DENND2A: variants seen among roughly 807,000 people sequenced by gnomAD.
DENND2A encodes DENN domain containing 2A.
In DENND2A, 53 loss-of-function variants were observed where a neutral mutation model predicts 105.3. That is an observed-to-expected ratio of 0.50 (90% confidence interval 0.40 to 0.63). DENND2A has a LOEUF of 0.63. Ranked by LOEUF, DENND2A falls within the 30% of genes least tolerant of loss-of-function variation. DENND2A has a pLI of 0.00. For missense variants in DENND2A, 1,138 were observed against 1,279.6 expected, an observed-to-expected ratio of 0.89 and a Z score of 1.69; for synonymous variants, 522 against 508.4, an observed-to-expected ratio of 1.03 and a Z score of -0.36.
Position 140,544,774 on chromosome 7 carries a change from G to T in DENND2A, c.2179-8C>A. On this transcript the variant is annotated splice_region_variant and splice_polypyrimidine_tract_variant and intron_variant, in intron 13 of 19. Coordinates refer to ENST00000496613, the MANE Select transcript of DENND2A (RefSeq NM_015689.5). ...GCGGCACAGTTCGATCACCTGCCAGGGAACAGGAGCAGCCATGAAGGAGGG... is the reference window on the plus strand; with the variant it reads ...GCGGCACAGTTCGATCACCTGCCAGTGAACAGGAGCAGCCATGAAGGAGGG... 6.4e-7 allele frequency: 1 copy of T among 1,565,840 alleles called. No homozygotes were observed. Among genetic ancestry groups the T allele is most frequent in the African/African-American group, 1.3e-5 (1 of 74,166 alleles).
chr7:140,562,030 C>T (rs1016278774), intron 9 of DENND2A, among the ~76,000 whole-genome samples: 1 of 151,912 alleles, frequency 6.6e-6, no homozygotes, highest in African/African-American at 2.4e-5. Flanking sequence ...GCTGGTATTA[C>T]AGGTGCCTGC....
At chr7:140,569,024 C>T (rs1012372842) in intron 7 of DENND2A, among the ~76,000 whole-genome samples, 6 of 151,940 alleles carry the variant, frequency 3.9e-5, no homozygotes, top group Non-Finnish European at 5.9e-5. Flanking sequence ...TTCCAGGTTC[C>T]AGTGATTCTC....
Position 140,585,704 on chromosome 7 carries a change from G to T in DENND2A, c.1130C>A (p.Pro377Gln). The change falls in exon 5 of 20, where the codon CCA (proline) becomes CAA (glutamine). Residue 377 changes from proline to glutamine, a missense_variant. This residue lies in a region of DENND2A where 511 missense variants were observed against 499.9 expected (regional missense o/e 1.02). Coordinates refer to ENST00000496613, the MANE Select transcript of DENND2A (RefSeq NM_015689.5). ...ENVYEDILDP[P>Q]MKENPYEDIE... ...GTCCTCATAAGGGTTCTCCTTCATT[G>T]GCGGATCTGTGTTCAAAGGCAATGT... 1 of 1,614,198 alleles carries T rather than the reference G, an allele frequency of 6.2e-7. No individual in the cohort carries two copies. Among genetic ancestry groups the T allele is most frequent in the Non-Finnish European group, 8.5e-7 (1 of 1,180,026 alleles).
intron 6 of DENND2A, among the ~76,000 whole-genome samples, chr7:140,572,197 G>A (rs1025755494): frequency 9.9e-5 from 15 of 151,624 alleles, no homozygotes; most frequent in African/African-American, 3.6e-4. Flanking sequence ...TGTAGAGATG[G>A]GGTTCCACCA....
At chr7:140,572,685 C>T (rs1286889514) in intron 6 of DENND2A, among the ~76,000 whole-genome samples, 5 of 132,292 alleles carry the variant, frequency 3.8e-5, no homozygotes, top group African/African-American at 1.2e-4. Flanking sequence ...ACCCAGGAGG[C>T]GGAAGTTGCA....
At chr7:140,620,356 G>A (rs1400878197) in intron 1 of DENND2A, among the ~76,000 whole-genome samples, 7 of 119,472 alleles carry the variant, frequency 5.9e-5, no homozygotes, top group African/African-American at 1.9e-4. Context: ...GGGTGGGGGG[G>A]GGGAGGAGGA....
rs754985483 is a variant in DENND2A at position 140,558,248 on chromosome 7, A to G, written c.1890-36T>C. ...GAAAACACAAATGTATCATAAAGCAAAACAAAACCAAAGACACCTCATCAC... is the reference window on the plus strand; with the variant it reads ...GAAAACACAAATGTATCATAAAGCAGAACAAAACCAAAGACACCTCATCAC... On this transcript the variant is annotated intron_variant, in intron 10 of 19. Coordinates refer to ENST00000496613, the MANE Select transcript of DENND2A (RefSeq NM_015689.5). 46 of 1,555,234 alleles carry G rather than the reference A, an allele frequency of 3.0e-5. 2 individuals carry two copies. In the South Asian group the frequency reaches 3.0e-4, roughly 10 times the overall value.
chr7:140,540,257 G>A lies in DENND2A; in HGVS notation c.2327+4361C>T, dbSNP rs147668337. ...CCCACAGAAATCCCATCCTCACAGCGCCTGACATTTGGCAGCTGCTGCAGA... is the reference window on the plus strand; with the variant it reads ...CCCACAGAAATCCCATCCTCACAGCACCTGACATTTGGCAGCTGCTGCAGA... On this transcript the variant is annotated intron_variant, in intron 14 of 19. Transcript: ENST00000496613. Among the ~76,000 whole-genome samples the A allele has an allele frequency of 4.3e-4, 65 of 152,310 alleles. No individual in the cohort carries two copies. The East Asian group carries it at 5.8e-3, about 14-fold the overall frequency.
chr7:140,625,398 G>A (rs1025339262), intron 1 of DENND2A, among the ~76,000 whole-genome samples: 3 of 151,596 alleles, frequency 2.0e-5, no homozygotes, highest in African/African-American at 7.3e-5. Flanking sequence ...AAAAAGAACA[G>A]TCTGGGTGCT....
chr7:140,556,622 G>A (rs1411492556), intron 11 of DENND2A, among the ~76,000 whole-genome samples: 1 of 152,240 alleles, frequency 6.6e-6, no homozygotes, highest in Non-Finnish European at 1.5e-5. Context: ...TTACTGGTGT[G>A]AGCCTGTGCC....
chr7:140,604,941 T>C (rs941743728), intron 2 of DENND2A, among the ~76,000 whole-genome samples: 1 of 152,234 alleles, frequency 6.6e-6, no homozygotes, highest in Admixed American at 6.5e-5. Context: ...AATCTTGGTA[T>C]CAACAAATGG....
intron 1 of DENND2A, among the ~76,000 whole-genome samples, chr7:140,623,470 C>T (rs573385154): frequency 4.7e-4 from 71 of 151,984 alleles, no homozygotes; most frequent in African/African-American, 1.6e-3. Flanking sequence ...TGGTTCACGC[C>T]TGTAATCCCA....
chr7:140,537,957 G>C (rs980860513), intron 14 of DENND2A, among the ~76,000 whole-genome samples: 9 of 152,192 alleles, frequency 5.9e-5, no homozygotes, highest in Non-Finnish European at 1.2e-4. Flanking sequence ...CGAGGGTGTA[G>C]AGAAGTATTT....
At chr7:140,520,805 C>T (rs147544540) in intron 18 of DENND2A, among the ~76,000 whole-genome samples, 1,701 of 146,534 alleles carry the variant, frequency 0.012, 27 homozygotes, top group African/African-American at 0.041. Context: ...GTGATCTGCC[C>T]GCCTCGGCCT....
chr7:140,594,201 C>A (rs1324455957), intron 3 of DENND2A, among the ~76,000 whole-genome samples: 1 of 149,998 alleles, frequency 6.7e-6, no homozygotes, highest in Admixed American at 6.6e-5. Context: ...AGCCACCGTG[C>A]CCGGCCTTAA....
At chr7:140,522,158 C>G (rs890528096) in intron 17 of DENND2A, 58 bp from the exon 18 acceptor site, 1 of 1,590,798 alleles carries the variant, frequency 6.3e-7, no homozygotes, top group Non-Finnish European at 8.6e-7. Context: ...GGCCAGAGCC[C>G]TTGAGACAAG....
At chr7:140,575,244 C>T (rs1798253162) in intron 5 of DENND2A, among the ~76,000 whole-genome samples, 1 of 152,024 alleles carries the variant, frequency 6.6e-6, no homozygotes, top group South Asian at 2.1e-4. Flanking sequence ...TAGCTTCATT[C>T]CCAAGAGAAA....
At chr7:140,638,321 C>T (rs1465406184) in intron 1 of DENND2A, among the ~76,000 whole-genome samples, 1 of 152,196 alleles carries the variant, frequency 6.6e-6, no homozygotes, top group African/African-American at 2.4e-5. Flanking sequence ...GGTCCACATT[C>T]CTTTTGCTTT....
chr7:140,544,525 C>T (rs1433664162), intron 14 of DENND2A, 93 bp downstream of exon 14: 4 of 1,545,310 alleles, frequency 2.6e-6, no homozygotes, highest in Non-Finnish European at 3.6e-6. Context: ...AGGGCTTACT[C>T]TTCAATGCTA....
Sources: allele counts gnomAD v4.1 joint callset (sites outside exome capture counted in the v4.1 genomes callset), GRCh38; gene constraint gnomAD v4.1.1; regional missense constraint gnomAD v4.1.1; transcripts MANE v1.5; gene names NCBI Gene and HGNC (gene_info 2026-07-23, HGNC 2026-07-21).